Variants in ENOX1 observed in about 807,000 individuals in gnomAD.
ENOX1 encodes the protein candidate growth-related and time keeping constitutive hydroquinone (NADH) oxidase.
Under a neutral mutation model 82.5 loss-of-function variants are expected in ENOX1, and 42 were observed. That is an observed-to-expected ratio of 0.51 (90% CI 0.40 to 0.66). The LOEUF is 0.66. Among genes scored for constraint, ENOX1 ranks in the 30% least tolerant of loss-of-function variants. The probability of loss-of-function intolerance (pLI) is 0.00; values close to 1 mark genes in which losing one functional copy is unlikely to be tolerated. For synonymous variants in ENOX1, 271 were observed against 282.2 expected (o/e 0.96, Z 0.40); for missense variants, 608 against 811.6 (o/e 0.75, Z 3.05).
chr13:43,786,522 T>TCCACTCCCCTCCCCCCTCGC lies in ENOX1; in HGVS notation c.-285+110_-285+129dup, dbSNP rs1952638871. On this transcript the variant is annotated intron_variant, in intron 1 of 16. Coordinates refer to ENST00000690772, the MANE Select transcript of ENOX1 (RefSeq NM_001347969.2). This position sits in a 1 kb window ranked among gnomAD's most constrained non-coding sequence, Gnocchi z 6.0. ...CCTCCTCACCAGCCTCACCTCTAGC[T>TCCACTCCCCTCCCCCCTCGC]CCACTCCCCTCCCCCCTCGCCCACT... The TCCACTCCCCTCCCCCCTCGC allele has an allele frequency of 6.6e-6, 1 of 151,960 alleles. No homozygotes were observed. Among genetic ancestry groups the TCCACTCCCCTCCCCCCTCGC allele is most frequent in the African/African-American group, 2.4e-5 (1 of 41,234 alleles). 9.4% of individuals were successfully genotyped at this position (151,960 alleles called of 1,614,324 possible).
chr13:43,741,107 C>CA, intron 1 of ENOX1, among the ~76,000 whole-genome samples: 1 of 134,368 alleles, frequency 7.4e-6, no homozygotes, highest in Non-Finnish European at 1.6e-5. Context: ...TTTTTTGAGA[C>CA]AGAGTCTTGC....
intron 9 of ENOX1, among the ~76,000 whole-genome samples, chr13:43,339,953 G>T (rs1464478297): frequency 1.3e-5 from 2 of 152,198 alleles, no homozygotes; most frequent in African/African-American, 4.8e-5. Flanking sequence ...GAGGACTTTA[G>T]CAGTTATTGT....
intron 1 of ENOX1, among the ~76,000 whole-genome samples, chr13:43,781,577 A>G (rs60956097): frequency 0.028 from 4,317 of 151,850 alleles, 253 homozygotes; most frequent in East Asian, 0.2. Flanking sequence ...GCAATGGCGC[A>G]ATCTTGGCTC....
intron 15 of ENOX1, among the ~76,000 whole-genome samples, chr13:43,229,265 G>C (rs1202322818): frequency 6.6e-6 from 1 of 152,184 alleles, no homozygotes; most frequent in East Asian, 1.9e-4. Context: ...CCCAGTTTTG[G>C]ATATGTCTTT....
At chr13:43,325,142 A>G (rs1206945227) in intron 10 of ENOX1, among the ~76,000 whole-genome samples, 1 of 152,094 alleles carries the variant, frequency 6.6e-6, no homozygotes, top group African/African-American at 2.4e-5. Context: ...CCTTGACCTC[A>G]GTCTTAAGTC....
intron 3 of ENOX1, among the ~76,000 whole-genome samples, chr13:43,452,213 C>T (rs1454473865): frequency 6.6e-6 from 1 of 152,118 alleles, no homozygotes; most frequent in Non-Finnish European, 1.5e-5. Context: ...CGGTGGTTTG[C>T]TGCATCCATC....
intron 3 of ENOX1, among the ~76,000 whole-genome samples, chr13:43,427,581 TC>T (rs2153611651): frequency 6.6e-6 from 1 of 152,314 alleles, no homozygotes; most frequent in Non-Finnish European, 1.5e-5. Context: ...GTTAGTTCCA[TC>T]CCTGGGGGTA....
intron 1 of ENOX1, among the ~76,000 whole-genome samples, chr13:43,757,749 A>G (rs1242791046): frequency 1.3e-5 from 2 of 152,234 alleles, no homozygotes; most frequent in African/African-American, 4.8e-5. Flanking sequence ...AAGCATTTTA[A>G]AAGTTTCTTA....
At chr13:43,563,150 T>G (rs997278430) in intron 2 of ENOX1, among the ~76,000 whole-genome samples, 34 of 152,126 alleles carry the variant, frequency 2.2e-4, no homozygotes, top group African/African-American at 8.2e-4. Flanking sequence ...AAAACAAGTC[T>G]GGAAATTTTT....
chr13:43,621,256 T>A (rs1264511356), intron 2 of ENOX1, among the ~76,000 whole-genome samples: 1 of 152,190 alleles, frequency 6.6e-6, no homozygotes, highest in Non-Finnish European at 1.5e-5. Context: ...AGATGTGAGG[T>A]ACCATTGAAT....
chr13:43,262,547 G>A (rs780800459), intron 14 of ENOX1, among the ~76,000 whole-genome samples: 3 of 152,154 alleles, frequency 2.0e-5, no homozygotes, highest in African/African-American at 7.2e-5. Flanking sequence ...TATTTGTTGA[G>A]ACAGGGTCTC....
intron 2 of ENOX1, among the ~76,000 whole-genome samples, chr13:43,534,877 C>T (rs1335704243): frequency 2.0e-5 from 3 of 152,170 alleles, no homozygotes; most frequent in African/African-American, 7.2e-5. Flanking sequence ...CCCAAAATGA[C>T]AACAGGTTAA....
intron 3 of ENOX1, chr13:43,458,528 G>A (rs918756450): frequency 6.6e-6 from 1 of 152,132 alleles, no homozygotes; most frequent in African/African-American, 2.4e-5. Flanking sequence ...GGTGTGCAGA[G>A]CTCTTACAGA....
At chr13:43,474,345 A>G (rs1162089788) in intron 3 of ENOX1, among the ~76,000 whole-genome samples, 1 of 152,236 alleles carries the variant, frequency 6.6e-6, no homozygotes, top group East Asian at 1.9e-4. Context: ...AGGCTTCCCT[A>G]TATTAATTTT....
intron 2 of ENOX1, among the ~76,000 whole-genome samples, chr13:43,661,740 A>G (rs1007354710): frequency 2.0e-5 from 3 of 152,192 alleles, no homozygotes; most frequent in Admixed American, 2.0e-4. Context: ...AGTACTATAG[A>G]TACAGGCAGC....
At chr13:43,329,898 C>T (rs928813104) in intron 9 of ENOX1, among the ~76,000 whole-genome samples, 5 of 152,054 alleles carry the variant, frequency 3.3e-5, no homozygotes, top group East Asian at 1.9e-4. Context: ...TGGGCACACA[C>T]GAAAAAGGAC....
chr13:43,232,286 A>T (rs767894026), intron 15 of ENOX1, among the ~76,000 whole-genome samples: 1 of 152,030 alleles, frequency 6.6e-6, no homozygotes, highest in Non-Finnish European at 1.5e-5. Flanking sequence ...ATTCTTTTCC[A>T]CAATGAAGAC....
chr13:43,669,359 T>A, intron 1 of ENOX1, among the ~76,000 whole-genome samples: 1 of 152,120 alleles, frequency 6.6e-6, no homozygotes, highest in East Asian at 1.9e-4. Context: ...TCTTATCCCA[T>A]CTCCTTCCCC....
intron 5 of ENOX1, among the ~76,000 whole-genome samples, chr13:43,369,564 T>A (rs1037219338): frequency 6.6e-6 from 1 of 152,230 alleles, no homozygotes; most frequent in Admixed American, 6.5e-5. Context: ...CTCATTCTAC[T>A]AAAACACACA....
Sources: gnomAD v4.1 joint callset for allele counts (sites outside exome capture counted in the v4.1 genomes callset) on GRCh38, gnomAD v4.1.1 for gene constraint, Gnocchi (gnomAD v3.1) non-coding constraint, MANE v1.5 for transcripts, NCBI Gene and HGNC (gene_info 2026-07-23, HGNC 2026-07-21) for gene names.